The following SLC44A1 variants were observed in gnomAD, a reference collection of about 807,000 sequenced individuals.
The protein encoded by SLC44A1 is choline transporter-like protein 1.
A neutral mutation model predicts 79.3 loss-of-function variants in SLC44A1; 26 were observed. That is an observed-to-expected ratio of 0.33 (90% CI 0.24 to 0.46). SLC44A1 has a LOEUF of 0.46. Among genes scored for constraint, SLC44A1 ranks in the 20% least tolerant of loss-of-function variants. The probability of loss-of-function intolerance (pLI) is 1.00; values close to 1 mark genes in which losing one functional copy is unlikely to be tolerated. For synonymous variants in SLC44A1, 263 were observed against 286.2 expected (o/e 0.92, Z 0.82); for missense variants, 688 against 798.1 (o/e 0.86, Z 1.66).
Position 105,389,325 on chromosome 9 carries a change from TA to T in SLC44A1, c.*271del. On this transcript the variant is annotated 3_prime_UTR_variant, in exon 16 of 16. Transcript: ENST00000374720. ...TTCCGTCATTTAATGTTTTCAACTG[TA>T]ATTGTCTTAATGGAAATGTTAAAAT... is the stretch of plus-strand genomic sequence containing the variant. 1 of 1,161,114 alleles carries T rather than the reference TA, an allele frequency of 8.6e-7. No homozygotes were observed. Among genetic ancestry groups the T allele is most frequent in the Non-Finnish European group, 1.1e-6 (1 of 942,622 alleles). The allele number at this position is 1,161,114 out of a possible 1,614,324, so 71.9% of individuals were successfully genotyped here. A position where few individuals can be genotyped will look rare whatever the true frequency, so the allele number is the denominator to read the frequency against.
intron 1 of SLC44A1, among the ~76,000 whole-genome samples, chr9:105,274,387 G>T (rs1830152499): frequency 6.6e-6 from 1 of 152,104 alleles, no homozygotes; most frequent in Non-Finnish European, 1.5e-5. Context: ...CTTCACTCCT[G>T]CCTCACTGCT....
At chr9:105,298,908 T>C (rs1830801015) in intron 1 of SLC44A1, among the ~76,000 whole-genome samples, 1 of 152,174 alleles carries the variant, frequency 6.6e-6, no homozygotes, top group South Asian at 2.1e-4. Context: ...CACAGTCTGC[T>C]GGGACACAGC....
chr9:105,385,063 C>A (rs563205430), intron 14 of SLC44A1, among the ~76,000 whole-genome samples: 1 of 152,170 alleles, frequency 6.6e-6, no homozygotes, highest in East Asian at 1.9e-4. Flanking sequence ...TTTCATTTAA[C>A]CTTGATATAG....
intron 4 of SLC44A1, among the ~76,000 whole-genome samples, chr9:105,336,319 G>T (rs1826919319): frequency 6.6e-6 from 1 of 152,114 alleles, no homozygotes; most frequent in Non-Finnish European, 1.5e-5. Context: ...TTAACGTTCT[G>T]TCATAGCTCT....
chr9:105,287,613 A>G (rs1383040826), intron 1 of SLC44A1, among the ~76,000 whole-genome samples: 1 of 152,224 alleles, frequency 6.6e-6, no homozygotes, highest in Non-Finnish European at 1.5e-5. Flanking sequence ...CTAGGAACTT[A>G]AAATCATTTA....
At chr9:105,273,459 C>T (rs552280826) in intron 1 of SLC44A1, among the ~76,000 whole-genome samples, 5 of 152,282 alleles carry the variant, frequency 3.3e-5, no homozygotes, top group South Asian at 4.1e-4. Context: ...TTTATTAATG[C>T]TTACAAGCTG....
At chr9:105,351,632 G>GAGAAAGAAAGAAAGAAAGAAAGAA (rs55635937) in intron 5 of SLC44A1, among the ~76,000 whole-genome samples, 2,328 of 101,248 alleles carry the variant, frequency 0.023, 121 homozygotes, top group East Asian at 0.028. Flanking sequence ...GAGAGAGAAA[G>GAGAAAGAAAGAAAGAAAGAAAGAA]AGAAAGAAAG....
At chr9:105,373,557 G>A (rs1351627708) in intron 12 of SLC44A1, among the ~76,000 whole-genome samples, 4 of 152,188 alleles carry the variant, frequency 2.6e-5, no homozygotes, top group Non-Finnish European at 4.4e-5. Flanking sequence ...ACCTGAACAA[G>A]GGAGAGGGAG....
intron 15 of SLC44A1, among the ~76,000 whole-genome samples, chr9:105,406,680 C>T (rs946981306): frequency 9.9e-5 from 15 of 152,030 alleles, no homozygotes; most frequent in South Asian, 4.2e-4. Flanking sequence ...AGTTCAAGGC[C>T]GCAGTGAGCT....
At chr9:105,299,861 C>A in intron 2 of SLC44A1, 1 of 986,356 alleles carries the variant, frequency 1.0e-6, no homozygotes, top group African/African-American at 1.7e-5. Flanking sequence ...TGAGTGGCAT[C>A]TTTCAATTAG....
At chr9:105,308,736 C>T (rs1001653232) in intron 2 of SLC44A1, among the ~76,000 whole-genome samples, 3 of 152,188 alleles carry the variant, frequency 2.0e-5, no homozygotes, top group Non-Finnish European at 4.4e-5. Context: ...TAATGATAGT[C>T]TCTGCCTTCT....
intron 4 of SLC44A1, among the ~76,000 whole-genome samples, chr9:105,342,593 T>A (rs1445297114): frequency 6.6e-6 from 1 of 152,038 alleles, no homozygotes; most frequent in Non-Finnish European, 1.5e-5. Flanking sequence ...AGACAGTTCT[T>A]CTCCTTTCTC....
intron 1 of SLC44A1, among the ~76,000 whole-genome samples, chr9:105,251,777 A>C (rs2131195540): frequency 6.6e-6 from 1 of 152,318 alleles, no homozygotes; most frequent in Non-Finnish European, 1.5e-5. Flanking sequence ...TTTAAGTTTC[A>C]GTCTGAAAGT....
chr9:105,410,295 C>A lies in SLC44A1; in HGVS notation c.1950+24793C>A, dbSNP rs547584134. On this transcript the variant is annotated intron_variant, in intron 15 of 15. Transcript: ENST00000374724. ...CATAATCAAAAGTACAAAAAGACAA[C>A]CCACAAAATGGGAGAAAATATTTGC... 1.2e-4 allele frequency among the ~76,000 whole-genome samples: 19 copies of A among 152,264 alleles called. No individual in the cohort carries two copies. The East Asian group carries it at 3.7e-3, about 29-fold the overall frequency.
At chr9:105,312,953 A>G (rs1019077433) in intron 3 of SLC44A1, among the ~76,000 whole-genome samples, 15 of 152,134 alleles carry the variant, frequency 9.9e-5, no homozygotes, top group African/African-American at 3.4e-4. Context: ...GGTGTTGTCT[A>G]TAGCATCAAA....
At chr9:105,423,754 A>G (rs1447469091) in intron 15 of SLC44A1, among the ~76,000 whole-genome samples, 1 of 152,178 alleles carries the variant, frequency 6.6e-6, no homozygotes, top group Non-Finnish European at 1.5e-5. Context: ...CCTTTCTTTC[A>G]ACTTGTCATT....
chr9:105,289,830 T>G (rs1168489236), intron 1 of SLC44A1, among the ~76,000 whole-genome samples: 1 of 152,066 alleles, frequency 6.6e-6, no homozygotes, highest in Non-Finnish European at 1.5e-5. Context: ...TTTTGTTTTT[T>G]TGAGATGGAA....
In SLC44A1 at chr9:105,393,951, T is replaced by G. The variant is rs1359824095; in HGVS notation, c.*4895T>G. The G allele has an allele frequency of 1.0e-6, 1 of 984,226 alleles. No homozygotes were observed. The highest frequency in any genetic ancestry group is 1.1e-4 in the East Asian group (1 of 8,804). 61.0% of individuals were successfully genotyped at this position (984,226 alleles called of 1,614,324 possible). ...ACAAATGTCTCAGAAATTTCTCACT[T>G]TTATTTGCTAAGACCTGAATTTAAT... On this transcript the variant is annotated 3_prime_UTR_variant, in exon 16 of 16. Transcript: ENST00000374720.
chr9:105,272,647 AGTAAGCAAATGAGTTG>A (rs771521186), intron 1 of SLC44A1, among the ~76,000 whole-genome samples: 3 of 151,812 alleles, frequency 2.0e-5, no homozygotes, highest in Non-Finnish European at 4.4e-5. Context: ...TTATTTAGCT[AGTAAGCAAATGAGTTG>A]GAATTAGAAC....
Sources: gnomAD v4.1 joint callset for allele counts (sites outside exome capture counted in the v4.1 genomes callset) on GRCh38, gnomAD v4.1.1 for gene constraint, MANE v1.5 for transcripts, NCBI Gene and HGNC (gene_info 2026-07-23, HGNC 2026-07-21) for gene names.